PSD3: variants seen among roughly 807,000 people sequenced by gnomAD.
The protein encoded by PSD3 is pleckstrin and Sec7 domain containing 3.
In PSD3, 49 loss-of-function variants were observed where a neutral mutation model predicts 105.5. The observed-to-expected ratio is 0.46, with a 90% confidence interval of 0.37 to 0.59. The LOEUF (loss-of-function observed/expected upper bound fraction) is 0.59. PSD3 is among the 20% of genes least tolerant of loss of function. PSD3 has a pLI of 0.00. For missense variants in PSD3, 1,561 were observed against 1,263.8 expected (o/e 1.24, Z -3.57); for synonymous variants, 557 against 457.8 (o/e 1.22, Z -2.77).
chr8:18,613,490 C>T lies in PSD3; in HGVS notation c.2411-13056G>A, dbSNP rs148379462. ...TGCCTAATAAATTCCACTTGTCACCCTTCTACGTGTCTGCGAGCCTAATCT... is the reference window on the plus strand; with the variant it reads ...TGCCTAATAAATTCCACTTGTCACCTTTCTACGTGTCTGCGAGCCTAATCT... On this transcript the variant is annotated intron_variant, in intron 11 of 15. Transcript: ENST00000327040. 3.8e-3 allele frequency among the ~76,000 whole-genome samples: 581 copies of T among 152,244 alleles called. 2 individuals carry two copies. Among genetic ancestry groups the T allele is most frequent in the African/African-American group, 0.013 (548 of 41,530 alleles).
intron 1 of PSD3, among the ~76,000 whole-genome samples, chr8:19,037,842 A>T: frequency 6.6e-6 from 1 of 151,848 alleles, no homozygotes; most frequent in Admixed American, 6.6e-5. Context: ...GGATCATGAG[A>T]CTTTTTGGCC....
intron 4 of PSD3, among the ~76,000 whole-genome samples, chr8:18,847,001 A>G (rs1206096923): frequency 5.9e-5 from 9 of 152,194 alleles, no homozygotes; most frequent in Non-Finnish European, 4.4e-5. Flanking sequence ...AGGGAGAAAA[A>G]TTCGCCTCAA....
intron 1 of PSD3, among the ~76,000 whole-genome samples, chr8:19,002,663 T>C (rs1286019455): frequency 6.6e-6 from 1 of 152,148 alleles, no homozygotes; most frequent in Non-Finnish European, 1.5e-5. Context: ...AGGTTTCGTA[T>C]AATACCTAAT....
intron 1 of PSD3, among the ~76,000 whole-genome samples, chr8:19,033,487 T>C (rs552415391): frequency 1.3e-5 from 2 of 152,294 alleles, no homozygotes; most frequent in South Asian, 4.1e-4. Flanking sequence ...AGATGTAATG[T>C]GAAAATCAGG....
chr8:18,684,106 C>G (rs1272847425), intron 9 of PSD3: 1 of 545,664 alleles, frequency 1.8e-6, no homozygotes, highest in Admixed American at 3.1e-5. Context: ...CTTCAACTAC[C>G]CTGTTTGCAG....
intron 1 of PSD3, among the ~76,000 whole-genome samples, chr8:19,079,982 T>C (rs1414006859): frequency 6.6e-6 from 1 of 151,414 alleles, no homozygotes; most frequent in Non-Finnish European, 1.5e-5. Flanking sequence ...CTCCACCTTC[T>C]GGGTTCAAGC....
chr8:18,573,943 G>A (rs755876863), intron 13 of PSD3, among the ~76,000 whole-genome samples: 1 of 152,112 alleles, frequency 6.6e-6, no homozygotes, highest in African/African-American at 2.4e-5. Context: ...TTTATGGTAC[G>A]TAAAGCATAC....
intron 1 of PSD3, among the ~76,000 whole-genome samples, chr8:19,067,067 T>C (rs1829097572): frequency 6.6e-6 from 1 of 152,100 alleles, no homozygotes; most frequent in South Asian, 2.1e-4. Flanking sequence ...ATTAAATGAG[T>C]GAAAGCTATT....
chr8:18,655,540 A>C, intron 10 of PSD3, 102 bp downstream of exon 10: 1 of 1,069,754 alleles, frequency 9.3e-7, no homozygotes, highest in Non-Finnish European at 1.4e-6. Context: ...GAGAATTGGC[A>C]ATGCATATTT....
intron 8 of PSD3, among the ~76,000 whole-genome samples, chr8:18,783,605 A>G (rs1387028908): frequency 5.3e-5 from 8 of 152,284 alleles, no homozygotes; most frequent in African/African-American, 1.2e-4. Flanking sequence ...GCTGTATACC[A>G]TAAGTTTTTT....
At chr8:18,560,910 T>C (rs570263967) in intron 14 of PSD3, among the ~76,000 whole-genome samples, 2 of 152,162 alleles carry the variant, frequency 1.3e-5, no homozygotes, top group African/African-American at 4.8e-5. Flanking sequence ...GCGGTAAGTG[T>C]CTTATAGAAG....
chr8:18,761,206 T>G (rs1258248634), intron 9 of PSD3, among the ~76,000 whole-genome samples: 1 of 152,152 alleles, frequency 6.6e-6, no homozygotes, highest in Non-Finnish European at 1.5e-5. Flanking sequence ...TAAGCAAGAT[T>G]CATTTTCAGT....
intron 14 of PSD3, among the ~76,000 whole-genome samples, chr8:18,571,983 A>C (rs1287290176): frequency 6.6e-6 from 1 of 152,186 alleles, no homozygotes; most frequent in Middle Eastern, 3.2e-3. Context: ...CCACAGAAGG[A>C]GGCTTATGTA....
chr8:18,778,679 C>G (rs1214004108), intron 8 of PSD3, among the ~76,000 whole-genome samples: 1 of 151,060 alleles, frequency 6.6e-6, no homozygotes, highest in Non-Finnish European at 1.5e-5. Flanking sequence ...TTTATGAAAC[C>G]CTTTTTTTGC....
chr8:18,698,643 G>A (rs1801399410), intron 9 of PSD3, among the ~76,000 whole-genome samples: 1 of 152,144 alleles, frequency 6.6e-6, no homozygotes, highest in Non-Finnish European at 1.5e-5. Context: ...TCAGACCTAT[G>A]AGCTAATATA....
At chr8:18,771,500 C>G (rs1467129848) in intron 8 of PSD3, among the ~76,000 whole-genome samples, 1 of 152,142 alleles carries the variant, frequency 6.6e-6, no homozygotes, top group Non-Finnish European at 1.5e-5. Flanking sequence ...ATATTTGACC[C>G]ATTTTGAGTT....
intron 15 of PSD3, among the ~76,000 whole-genome samples, chr8:18,546,216 C>T (rs1489851437): frequency 2.0e-5 from 3 of 152,126 alleles, no homozygotes; most frequent in Admixed American, 6.5e-5. Context: ...ATGCTGGTCT[C>T]GAACTCTTGA....
intron 4 of PSD3, among the ~76,000 whole-genome samples, chr8:18,853,384 A>G (rs1035624501): frequency 3.3e-5 from 5 of 152,146 alleles, no homozygotes; most frequent in South Asian, 4.1e-4. Context: ...TTATTCTTCA[A>G]TCCCAGGCAT....
chr8:18,698,881 T>A (rs1174626942), intron 9 of PSD3, among the ~76,000 whole-genome samples: 1 of 152,216 alleles, frequency 6.6e-6, no homozygotes, highest in East Asian at 1.9e-4. Context: ...AAAAAAGTAC[T>A]AGCTTTTTCT....
Sources: allele counts gnomAD v4.1 joint callset (sites outside exome capture counted in the v4.1 genomes callset), GRCh38; gene constraint gnomAD v4.1.1; transcripts MANE v1.5; gene names NCBI Gene and HGNC (gene_info 2026-07-23, HGNC 2026-07-21).